The following GALNT13 variants were observed in gnomAD, a reference collection of about 807,000 sequenced individuals.
GALNT13 encodes UDP-GalNAc:polypeptide N-acetylgalactosaminyltransferase 13.
A neutral mutation model predicts 64.2 loss-of-function variants in GALNT13; 28 were observed. The ratio of observed to expected loss-of-function variants is 0.44; its 90% CI spans 0.32 to 0.60. The LOEUF (loss-of-function observed/expected upper bound fraction) is 0.60. Ranked by LOEUF, GALNT13 falls within the 20% of genes least tolerant of loss-of-function variation. GALNT13 has a pLI of 0.05. For synonymous variants in GALNT13, 214 were observed against 224.6 expected, an observed-to-expected ratio of 0.95 and a Z score of 0.42; for missense variants, 577 against 669.8, an observed-to-expected ratio of 0.86 and a Z score of 1.53.
chr2:153,862,366 T>C, the GALNT13 span, among the ~76,000 whole-genome samples: 1 of 7,450 alleles, frequency 1.3e-4, no homozygotes, highest in East Asian at 3.9e-4. Context: ...TTCTATTTCT[T>C]TATAAATTTG....
the GALNT13 span, among the ~76,000 whole-genome samples, chr2:153,757,805 C>T: frequency 5.9e-5 from 9 of 152,164 alleles, no homozygotes; most frequent in African/African-American, 1.4e-4. Flanking sequence ...CTGCTCTGCT[C>T]ATTTGCCCAT....
chr2:153,502,914 C>A, the GALNT13 span, among the ~76,000 whole-genome samples: 27 of 152,076 alleles, frequency 1.8e-4, no homozygotes, highest in African/African-American at 5.6e-4. Flanking sequence ...ATGTCCTTAG[C>A]CCACTGATGT....
chr2:153,431,162 A>G, the GALNT13 span, among the ~76,000 whole-genome samples: 75 of 151,828 alleles, frequency 4.9e-4, no homozygotes, highest in Non-Finnish European at 1.0e-4. Flanking sequence ...AAAAAAAAAA[A>G]CAAAAAAAGT....
chr2:153,527,462 T>C, the GALNT13 span, among the ~76,000 whole-genome samples: 1 of 152,032 alleles, frequency 6.6e-6, no homozygotes, highest in Non-Finnish European at 1.5e-5. Flanking sequence ...TGAGAAATAC[T>C]TTCCCAGACA....
the GALNT13 span, among the ~76,000 whole-genome samples, chr2:153,353,228 G>GT: frequency 3.3e-5 from 5 of 151,952 alleles, no homozygotes; most frequent in African/African-American, 4.8e-5. Flanking sequence ...TAATGTAAAT[G>GT]TTTTTTTATT....
At chr2:153,301,320 A>AAAAAAAAAAAAAAAC in the GALNT13 span, among the ~76,000 whole-genome samples, 1 of 126,664 alleles carries the variant, frequency 7.9e-6, no homozygotes, top group Non-Finnish European at 1.7e-5. Flanking sequence ...AAAAAAAAAG[A>AAAAAAAAAAAAAAAC]AAAAAAAAAA....
At chr2:154,430,256 A>G (rs180757640) in intron 11 of GALNT13, among the ~76,000 whole-genome samples, 1 of 152,350 alleles carries the variant, frequency 6.6e-6, no homozygotes, top group Non-Finnish European at 1.5e-5. Context: ...TCACAATTCT[A>G]GATACCGTAA....
At chr2:153,864,531 T>C in the GALNT13 span, among the ~76,000 whole-genome samples, 2 of 152,192 alleles carry the variant, frequency 1.3e-5, no homozygotes, top group African/African-American at 4.8e-5. Flanking sequence ...GAGACTTTGC[T>C]GAAGTTGCTT....
chr2:153,332,004 G>A, the GALNT13 span, among the ~76,000 whole-genome samples: 1 of 152,124 alleles, frequency 6.6e-6, no homozygotes, highest in Admixed American at 6.5e-5. Flanking sequence ...TCGTATTTCT[G>A]TGTTTCTGTG....
At chr2:154,375,077 C>A (rs1455741748) in intron 9 of GALNT13, among the ~76,000 whole-genome samples, 2 of 152,094 alleles carry the variant, frequency 1.3e-5, no homozygotes, top group East Asian at 3.9e-4. Flanking sequence ...AGCTCCGGTT[C>A]CCGGGGTTCA....
intron 3 of GALNT13, among the ~76,000 whole-genome samples, chr2:154,137,014 T>A (rs1041131193): frequency 2.0e-5 from 3 of 152,078 alleles, no homozygotes; most frequent in Non-Finnish European, 4.4e-5. Context: ...ATGAGTCTCT[T>A]TGTGTGTGTG....
At chr2:154,217,833 A>G (rs184956621) in intron 4 of GALNT13, among the ~76,000 whole-genome samples, 1 of 152,280 alleles carries the variant, frequency 6.6e-6, no homozygotes, top group Non-Finnish European at 1.5e-5. Context: ...TTTAAGATGT[A>G]TTTTCAAAAG....
chr2:153,905,599 C>A (rs1414608739), intron 2 of GALNT13, among the ~76,000 whole-genome samples: 1 of 151,920 alleles, frequency 6.6e-6, no homozygotes, highest in Non-Finnish European at 1.5e-5. Context: ...GAGATGAAGT[C>A]TTGTGAATGA....
chr2:153,421,267 T>G, the GALNT13 span: 1 of 189,082 alleles, frequency 5.3e-6, no homozygotes, highest in Admixed American at 5.7e-5. Context: ...CCATGAAATC[T>G]GAGAGAAGCA....
At chr2:153,162,767 G>A in the GALNT13 span, among the ~76,000 whole-genome samples, 1 of 152,200 alleles carries the variant, frequency 6.6e-6, no homozygotes, top group Non-Finnish European at 1.5e-5. Flanking sequence ...CAAATGTAGT[G>A]AGATGAATAT....
chr2:153,126,231 A>C, the GALNT13 span, among the ~76,000 whole-genome samples: 1 of 149,288 alleles, frequency 6.7e-6, no homozygotes, highest in Non-Finnish European at 1.5e-5. Flanking sequence ...TTTTTTTATG[A>C]TGAAGAATTG....
the GALNT13 span, among the ~76,000 whole-genome samples, chr2:153,435,555 A>C: frequency 1.5e-4 from 22 of 150,480 alleles, no homozygotes; most frequent in African/African-American, 4.6e-4. Context: ...GTCCCTTGTA[A>C]GTTGGATTCC....
At chr2:154,362,880 A>G (rs1362347215) in intron 9 of GALNT13, among the ~76,000 whole-genome samples, 4 of 152,170 alleles carry the variant, frequency 2.6e-5, no homozygotes, top group Admixed American at 2.0e-4. Flanking sequence ...CAACCTTTCA[A>G]ACCCTTTAAA....
At chr2:153,158,686 A>G in the GALNT13 span, among the ~76,000 whole-genome samples, 1 of 152,212 alleles carries the variant, frequency 6.6e-6, no homozygotes, top group African/African-American at 2.4e-5. Flanking sequence ...TCAGAACATG[A>G]TGTATTTTGA....
Sources: gnomAD v4.1 joint callset for allele counts (sites outside exome capture counted in the v4.1 genomes callset) on GRCh38, gnomAD v4.1.1 for gene constraint, MANE v1.5 for transcripts, NCBI Gene and HGNC (gene_info 2026-07-23, HGNC 2026-07-21) for gene names.